EQTN: variants seen among roughly 807,000 people sequenced by gnomAD.
EQTN encodes equatorin.
A neutral mutation model predicts 26.9 loss-of-function variants in EQTN; 29 were observed. That is an observed-to-expected ratio of 1.08 (90% CI 0.80 to 1.47). The LOEUF is 1.47. EQTN is among the 40% of genes most tolerant of loss of function. The probability of loss-of-function intolerance (pLI) is 0.00; values close to 1 mark genes in which losing one functional copy is unlikely to be tolerated. For missense variants in EQTN, 391 were observed against 346.1 expected, an observed-to-expected ratio of 1.13 and a Z score of -1.03; for synonymous variants, 129 against 120.0, an observed-to-expected ratio of 1.07 and a Z score of -0.49.
intron 2 of EQTN, among the ~76,000 whole-genome samples, chr9:27,295,689 G>A (rs867953026): frequency 2.0e-5 from 3 of 151,808 alleles, no homozygotes; most frequent in Admixed American, 1.3e-4. Flanking sequence ...AAAATTAGCC[G>A]GGCGTGGTGG....
rs758966272 is a variant in EQTN at position 27,296,697 on chromosome 9, G to A, written c.118C>T (p.Gln40Ter). 1.9e-6 allele frequency: 3 copies of A among 1,608,704 alleles called. No individual in the cohort carries two copies. The highest frequency in any genetic ancestry group is 2.7e-5 in the African/African-American group (2 of 74,640). The change falls in exon 2 of 8, where the codon CAG becomes TAG. Residue 40 changes from glutamine (Q) to a stop codon, truncating the protein, a stop_gained. Transcript: ENST00000380032. LOFTEE classifies it high-confidence loss of function. ...VLPLNEDVNK[Q>*]EEKNEDHTPN... ...GTATGATCTTCATTCTTTTCTTCCT[G>A]CTTATTAACATCTTCATTTAAAGGT...
chr9:27,285,071 G>T (rs932638979), intron 7 of EQTN, 99 bp from the exon 8 acceptor site: 12 of 1,020,644 alleles, frequency 1.2e-5, no homozygotes, highest in Middle Eastern at 2.4e-4. Context: ...TACGAATTTT[G>T]CCCAAAGTGT....
Position 27,296,720 on chromosome 9 carries a change from G to A in EQTN, c.95C>T (p.Pro32Leu), listed in dbSNP as rs762419099. Reference protein sequence around the residue: ...PTIEALPNVLPLNEDVNKQEE... With the variant: ...PTIEALPNVLLLNEDVNKQEE... ...CTGCTTATTAACATCTTCATTTAAA[G>A]GTAGCACATTAGGCAATGCTAAAAA... The change falls in exon 2 of 8, where the codon CCT (proline) becomes CTT (leucine). Residue 32 changes from proline to leucine, a missense_variant. Transcript: ENST00000380032. The A allele has an allele frequency of 1.2e-6, 2 of 1,609,490 alleles. No individual in the cohort carries two copies. The highest frequency in any genetic ancestry group is 2.7e-5 in the African/African-American group (2 of 74,602).
At chr9:27,287,557 G>A (rs1820146542) in intron 6 of EQTN, among the ~76,000 whole-genome samples, 1 of 152,150 alleles carries the variant, frequency 6.6e-6, no homozygotes, top group Non-Finnish European at 1.5e-5. Flanking sequence ...CTAAGCCTCA[G>A]TTTTCTCAAC....
intron 3 of EQTN, 58 bp downstream of exon 3, chr9:27,294,258 G>A (rs1820292687): frequency 2.4e-6 from 3 of 1,261,348 alleles, no homozygotes; most frequent in Non-Finnish European, 3.4e-6. Flanking sequence ...TCTTATTGCT[G>A]TTTTGAAATC....
At chr9:27,287,894 C>T (rs986561372) in intron 6 of EQTN, among the ~76,000 whole-genome samples, 1 of 152,176 alleles carries the variant, frequency 6.6e-6, no homozygotes, top group Non-Finnish European at 1.5e-5. Context: ...ACCTCTGCCT[C>T]CCGGGTTCAA....
intron 5 of EQTN, among the ~76,000 whole-genome samples, chr9:27,290,178 G>A (rs1371014278): frequency 6.6e-6 from 1 of 152,024 alleles, no homozygotes; most frequent in African/African-American, 2.4e-5. Context: ...ACTACATTTG[G>A]GGGCCATTTT....
chr9:27,287,545 C>G (rs1820146364), intron 6 of EQTN, among the ~76,000 whole-genome samples: 1 of 152,188 alleles, frequency 6.6e-6, no homozygotes, highest in South Asian at 2.1e-4. Context: ...CAGCTTTTCT[C>G]TCTAAGCCTC....
chr9:27,291,312 C>G (rs151098075), intron 4 of EQTN, among the ~76,000 whole-genome samples: 1 of 152,124 alleles, frequency 6.6e-6, no homozygotes, highest in African/African-American at 2.4e-5. Context: ...TTAATGAAGG[C>G]GTTAATGGAA....
rs1265136572 is a variant in EQTN at position 27,291,083 on chromosome 9, CACAACAAGA to C, written c.377-29_377-21del. The stretch of plus-strand genomic sequence containing the variant: ...TTGATCCTGTTAAAACAAAACAAAA[CACAACAAGA>C]ACAACAAGAAAACAACAGGATAACA... On this transcript the variant is annotated intron_variant, in intron 4 of 7. Coordinates refer to ENST00000380032, the MANE Select transcript of EQTN (RefSeq NM_020641.3). 1 of 1,596,110 alleles carries C rather than the reference CACAACAAGA, an allele frequency of 6.3e-7. No individual in the cohort carries two copies. Among genetic ancestry groups the C allele is most frequent in the Non-Finnish European group, 8.5e-7 (1 of 1,171,756 alleles).
At chr9:27,296,494 G>T in intron 2 of EQTN, 119 bp downstream of exon 2, 1 of 720,622 alleles carries the variant, frequency 1.4e-6, no homozygotes, top group Non-Finnish European at 2.2e-6. Flanking sequence ...GGTCACAGAA[G>T]TAGAAATAAA....
intron 6 of EQTN, among the ~76,000 whole-genome samples, chr9:27,288,935 A>C: frequency 6.6e-6 from 1 of 152,174 alleles, no homozygotes; most frequent in Non-Finnish European, 1.5e-5. Flanking sequence ...GGGATGGTAG[A>C]CACGTGATAT....
chr9:27,297,081 T>A lies in EQTN; in HGVS notation c.-26A>T. ...TGGGAAATTGAAGTGATTTATCCAG[T>A]AATCTAGTGCGTCTACCCAGAGCCT... On this transcript the variant is annotated 5_prime_UTR_variant, in exon 1 of 8. Coordinates refer to ENST00000380032, the MANE Select transcript of EQTN (RefSeq NM_020641.3). 6.5e-7 allele frequency: 1 copy of A among 1,534,566 alleles called. No homozygotes were observed. The highest frequency in any genetic ancestry group is 9.0e-7 in the Non-Finnish European group (1 of 1,114,254).
chr9:27,292,014 C>T (rs1429881886), intron 4 of EQTN: 1 of 152,486 alleles, frequency 6.6e-6, no homozygotes, highest in Admixed American at 6.5e-5. Flanking sequence ...ATAATTGACC[C>T]TAACCAGAGA....
intron 1 of EQTN, 50 bp downstream of exon 1, chr9:27,296,930 G>T: frequency 6.3e-7 from 1 of 1,596,282 alleles, no homozygotes; most frequent in Non-Finnish European, 8.5e-7. Context: ...ATGATTATGG[G>T]TCATCCTTCT....
At chr9:27,296,196 G>A (rs748121307) in intron 2 of EQTN, among the ~76,000 whole-genome samples, 8 of 152,098 alleles carry the variant, frequency 5.3e-5, no homozygotes, top group Non-Finnish European at 1.2e-4. Context: ...CCAGCTACTC[G>A]GAAGGCTGAG....
intron 1 of EQTN, 69 bp downstream of exon 1, chr9:27,296,911 C>A: frequency 6.3e-7 from 1 of 1,577,298 alleles, no homozygotes; most frequent in East Asian, 2.3e-5. Flanking sequence ...TGCCACATAC[C>A]AATTTTTCAT....
intron 6 of EQTN, among the ~76,000 whole-genome samples, chr9:27,287,869 T>C (rs961351399): frequency 7.9e-5 from 12 of 152,212 alleles, no homozygotes; most frequent in Non-Finnish European, 4.4e-5. Flanking sequence ...AGTGGCACAA[T>C]CTTAGCTCAC....
chr9:27,297,022 C>A lies in EQTN; in HGVS notation c.34G>T (p.Val12Phe), dbSNP rs1820359343. 6.2e-7 allele frequency: 1 copy of A among 1,610,750 alleles called. No homozygotes were observed. Among genetic ancestry groups the A allele is most frequent in the Non-Finnish European group, 8.5e-7 (1 of 1,178,304 alleles). The change falls in exon 1 of 8, where the codon GTT (valine) becomes TTT (phenylalanine). Residue 12 changes from valine (V) to phenylalanine (F), a missense_variant. Transcript: ENST00000380032. The stretch of plus-strand genomic sequence containing the variant: ...AAAGTGCTACTTTTTAAGGAAAAAA[C>A]TCCAGGTATAAAAATAAACAATATA... ...NFILFIFIPGVFSLKSSTLKP... is the reference protein window; with the variant it reads ...NFILFIFIPGFFSLKSSTLKP...
Sources: gnomAD v4.1 joint callset for allele counts (sites outside exome capture counted in the v4.1 genomes callset) on GRCh38, gnomAD v4.1.1 for gene constraint, MANE v1.5 for transcripts, NCBI Gene and HGNC (gene_info 2026-07-23, HGNC 2026-07-21) for gene names.